Variants in ARL8B observed in about 807,000 individuals in gnomAD.
ARL8B encodes the protein ARF like GTPase 8B, also known as ADP-ribosylation factor-like protein 8B.
In ARL8B, 9 loss-of-function variants were observed where a neutral mutation model predicts 30.6. The ratio of observed to expected loss-of-function variants is 0.29; its 90% CI spans 0.18 to 0.51. The LOEUF (loss-of-function observed/expected upper bound fraction) is 0.51. ARL8B is among the 20% of genes least tolerant of loss of function. The pLI is 0.97. For synonymous variants in ARL8B, 74 were observed against 76.0 expected, an observed-to-expected ratio of 0.97 and a Z score of 0.14; for missense variants, 130 against 227.2, an observed-to-expected ratio of 0.57 and a Z score of 2.75.
intron 3 of ARL8B, 125 bp downstream of exon 3, chr3:5,172,348 T>A (rs2054683908): frequency 1.2e-6 from 1 of 831,220 alleles, no homozygotes; most frequent in African/African-American, 1.7e-5. Context: ...TTAGCTAATA[T>A]CCTAGTGTAA....
chr3:5,180,110 A>T lies in ARL8B; in HGVS notation c.*1397A>T, dbSNP rs1348687855. 1.3e-5 allele frequency: 2 copies of T among 152,686 alleles called. No homozygotes were observed. Among genetic ancestry groups the T allele is most frequent in the Admixed American group, 6.5e-5 (1 of 15,280 alleles). 9.5% of individuals were successfully genotyped at this position (152,686 alleles called of 1,614,324 possible). Reference sequence around the variant, plus strand: ...TTGTTTCTTTTGTTAAGCAGCACTTATGTAGACTGCATTTCCAAATGTGTT... The same window carrying T: ...TTGTTTCTTTTGTTAAGCAGCACTTTTGTAGACTGCATTTCCAAATGTGTT... On this transcript the variant is annotated 3_prime_UTR_variant, in exon 7 of 7. Coordinates refer to ENST00000256496, the MANE Select transcript of ARL8B (RefSeq NM_018184.3).
chr3:5,123,353 G>A (rs979000757), intron 1 of ARL8B, among the ~76,000 whole-genome samples: 1 of 152,230 alleles, frequency 6.6e-6, no homozygotes, highest in African/African-American at 2.4e-5. Flanking sequence ...CAGGAACATA[G>A]CTTAGCAGGC....
intron 1 of ARL8B, among the ~76,000 whole-genome samples, chr3:5,133,197 A>G (rs559298846): frequency 1.4e-5 from 2 of 142,924 alleles, no homozygotes; most frequent in African/African-American, 5.5e-5. Context: ...TAGTGAAGGA[A>G]AAAGAAACAA....
At chr3:5,172,917 C>A (rs573324530) in intron 4 of ARL8B, among the ~76,000 whole-genome samples, 177 bp downstream of exon 4, 10 of 152,314 alleles carry the variant, frequency 6.6e-5, no homozygotes, top group African/African-American at 2.4e-4. Context: ...ATATGAATCT[C>A]ATAACCACGT....
intron 1 of ARL8B, among the ~76,000 whole-genome samples, chr3:5,129,340 A>G (rs748456541): frequency 2.0e-5 from 3 of 152,098 alleles, no homozygotes; most frequent in Non-Finnish European, 2.9e-5. Flanking sequence ...TCGCCCAGCT[A>G]ATACTGAGCA....
At chr3:5,130,539 T>TGTG (rs2054273631) in intron 1 of ARL8B, among the ~76,000 whole-genome samples, 5 of 152,060 alleles carry the variant, frequency 3.3e-5, no homozygotes, top group Admixed American at 6.6e-5. Flanking sequence ...TGTGTGTTTT[T>TGTG]TTTTTTGGCG....
chr3:5,154,444 C>G lies in ARL8B; in HGVS notation c.124-16059C>G, dbSNP rs573909862. Among the ~76,000 whole-genome samples, 13 of 151,680 alleles carry G rather than the reference C, an allele frequency of 8.6e-5. No individual in the cohort carries two copies. In the East Asian group the frequency reaches 2.5e-3, roughly 29 times the overall value. On this transcript the variant is annotated intron_variant, in intron 1 of 6. Coordinates refer to ENST00000256496, the MANE Select transcript of ARL8B (RefSeq NM_018184.3). ...CTGCCTTCCAGGTTCAAGTGATTCT[C>G]ATGCCTCAGCCTCCCGAGTAGCTGG...
chr3:5,156,192 C>A (rs541300983), intron 1 of ARL8B, among the ~76,000 whole-genome samples: 1 of 152,046 alleles, frequency 6.6e-6, no homozygotes, highest in Non-Finnish European at 1.5e-5. Flanking sequence ...CGTCAGCCCC[C>A]GCACTTGGCC....
At chr3:5,164,407 T>C (rs1231554461) in intron 1 of ARL8B, among the ~76,000 whole-genome samples, 1 of 152,244 alleles carries the variant, frequency 6.6e-6, no homozygotes, top group African/African-American at 2.4e-5. Context: ...TTATTTCTAT[T>C]TAAAATTTGT....
chr3:5,131,161 T>A (rs777994658), intron 1 of ARL8B, among the ~76,000 whole-genome samples: 7 of 152,098 alleles, frequency 4.6e-5, no homozygotes, highest in Non-Finnish European at 1.0e-4. Flanking sequence ...CGCCTTAGCC[T>A]CCCAAAGTAC....
intron 1 of ARL8B, among the ~76,000 whole-genome samples, chr3:5,129,582 C>T (rs2054263784): frequency 6.6e-6 from 1 of 152,106 alleles, no homozygotes; most frequent in African/African-American, 2.4e-5. Flanking sequence ...GCTCTGTTGC[C>T]CATGCTGGAG....
chr3:5,136,285 T>C (rs2054325183), intron 1 of ARL8B, among the ~76,000 whole-genome samples: 1 of 152,164 alleles, frequency 6.6e-6, no homozygotes, highest in Admixed American at 6.5e-5. Flanking sequence ...AAGTAGACAT[T>C]TACTGATTTA....
chr3:5,123,345 G>A (rs1308828300), intron 1 of ARL8B, among the ~76,000 whole-genome samples: 6 of 152,212 alleles, frequency 3.9e-5, no homozygotes, highest in Non-Finnish European at 8.8e-5. Flanking sequence ...GTACTGGGCA[G>A]GAACATAGCT....
chr3:5,180,739 T>C lies in ARL8B; in HGVS notation c.*2026T>C, dbSNP rs1364272498. ...AGCTTTATTCAATAAACTTGCATTT[T>C]AAGGGTTGTATTGGCAATTTTAACT... is the stretch of plus-strand genomic sequence containing the variant. On this transcript the variant is annotated 3_prime_UTR_variant, in exon 7 of 7. Transcript: ENST00000256496. 1 of 152,686 alleles carries C rather than the reference T, an allele frequency of 6.5e-6. No homozygotes were observed. Among genetic ancestry groups the C allele is most frequent in the Non-Finnish European group, 1.5e-5 (1 of 68,034 alleles). The allele number at this position is 152,686 out of a possible 1,614,324, so 9.5% of individuals were successfully genotyped here.
intron 1 of ARL8B, chr3:5,128,370 A>G: frequency 2.3e-6 from 1 of 428,802 alleles, no homozygotes; most frequent in South Asian, 1.7e-5. Context: ...TGAGTTGTGG[A>G]AAATGAGGCA....
At position 5,179,922 on chromosome 3, in the gene ARL8B, T is replaced by G. The variant is rs1334740534; in HGVS notation, c.*1209T>G. On this transcript the variant is annotated 3_prime_UTR_variant, in exon 7 of 7. Transcript: ENST00000256496. ...TTTGCTTCTATGATACAGAGATGTCTAAAAACTTCAAATGGACATGTTTTG... is the reference window on the plus strand; with the variant it reads ...TTTGCTTCTATGATACAGAGATGTCGAAAAACTTCAAATGGACATGTTTTG... 1 of 152,636 alleles carries G rather than the reference T, an allele frequency of 6.6e-6. No homozygotes were observed. Among genetic ancestry groups the G allele is most frequent in the Non-Finnish European group, 1.5e-5 (1 of 68,042 alleles). The allele number at this position is 152,636 out of a possible 1,614,324, so 9.5% of individuals were successfully genotyped here. A position where few individuals can be genotyped will look rare whatever the true frequency, so the allele number is the denominator to read the frequency against.
At chr3:5,159,549 C>T (rs568611432) in intron 1 of ARL8B, among the ~76,000 whole-genome samples, 4 of 135,286 alleles carry the variant, frequency 3.0e-5, no homozygotes, top group African/African-American at 1.1e-4. Context: ...TTGGGGTGAG[C>T]TGAGATCGCG....
intron 1 of ARL8B, among the ~76,000 whole-genome samples, chr3:5,123,814 A>G (rs1047668372): frequency 6.6e-6 from 1 of 152,196 alleles, no homozygotes; most frequent in African/African-American, 2.4e-5. Flanking sequence ...TCCTTTGAAG[A>G]ATGATGTATA....
At chr3:5,144,402 G>A (rs140471714) in intron 1 of ARL8B, among the ~76,000 whole-genome samples, 4 of 152,316 alleles carry the variant, frequency 2.6e-5, no homozygotes, top group Admixed American at 1.3e-4. Flanking sequence ...CCTTTGACAA[G>A]TTACACAGCT....
Sources: gnomAD v4.1 joint callset for allele counts (sites outside exome capture counted in the v4.1 genomes callset) on GRCh38, gnomAD v4.1.1 for gene constraint, MANE v1.5 for transcripts, NCBI Gene and HGNC (gene_info 2026-07-23, HGNC 2026-07-21) for gene names.